The following GLIS3 variants were observed in gnomAD, a reference collection of about 807,000 sequenced individuals.
GLIS3 encodes the protein GLIS family zinc finger 3.
GLIS3 carries 53 observed loss-of-function variants against 78.6 expected under a neutral mutation model. That is an observed-to-expected ratio of 0.67 (90% CI 0.54 to 0.85). The LOEUF is 0.85. GLIS3 is among the 40% of genes least tolerant of loss of function. The pLI, the probability that GLIS3 is intolerant of heterozygous loss-of-function variation, is 0.00. For missense variants in GLIS3, 1,703 were observed against 1,231.1 expected, an observed-to-expected ratio of 1.38 and a Z score of -5.74; for synonymous variants, 684 against 509.9, an observed-to-expected ratio of 1.34 and a Z score of -4.60.
intron 2 of GLIS3, among the ~76,000 whole-genome samples, chr9:4,184,687 T>G (rs1351455765): frequency 6.6e-6 from 1 of 152,180 alleles, no homozygotes; most frequent in East Asian, 1.9e-4. Context: ...GAGGGGAGAT[T>G]TAGAGAGACT....
At chr9:4,454,726 T>C in the GLIS3 span, among the ~76,000 whole-genome samples, 1 of 152,226 alleles carries the variant, frequency 6.6e-6, no homozygotes, top group Non-Finnish European at 1.5e-5. Context: ...ATGGGTTTGA[T>C]GTGTTCCAGG....
At chr9:4,332,392 G>T (rs1296775126) in intron 2 of GLIS3, among the ~76,000 whole-genome samples, 2 of 152,198 alleles carry the variant, frequency 1.3e-5, no homozygotes, top group African/African-American at 4.8e-5. Flanking sequence ...GCACACGGCT[G>T]CTCAACTGGA....
At chr9:3,946,970 C>T (rs35163245) in intron 4 of GLIS3, among the ~76,000 whole-genome samples, 11,111 of 151,768 alleles carry the variant, frequency 0.073, 495 homozygotes, top group African/African-American at 0.11. Context: ...AAGCAGTTTC[C>T]CACGACGCCA....
At chr9:4,145,682 CTTCCCTCTCT>C (rs1389506797) in intron 2 of GLIS3, among the ~76,000 whole-genome samples, 5 of 151,954 alleles carry the variant, frequency 3.3e-5, no homozygotes, top group African/African-American at 1.2e-4. Context: ...ACATCTCAAA[CTTCCCTCTCT>C]TTCCTCTCCC....
At chr9:4,155,144 A>T (rs1054627226) in intron 2 of GLIS3, among the ~76,000 whole-genome samples, 63 of 152,230 alleles carry the variant, frequency 4.1e-4, no homozygotes, top group Non-Finnish European at 6.8e-4. Context: ...GTATTTAAAA[A>T]ATGTTCTGCA....
intron 4 of GLIS3, among the ~76,000 whole-genome samples, chr9:4,069,788 G>C (rs560888283): frequency 6.6e-6 from 1 of 152,020 alleles, no homozygotes; most frequent in Admixed American, 6.6e-5. Context: ...TTTTATGAAA[G>C]ATTTGGGAAT....
At chr9:4,276,541 C>T (rs1238247245) in intron 2 of GLIS3, among the ~76,000 whole-genome samples, 5 of 16,172 alleles carry the variant, frequency 3.1e-4, no homozygotes, top group Admixed American at 2.0e-3. Flanking sequence ...GAGAAGGGGA[C>T]GGAAGGGGAG....
At chr9:4,273,264 G>A (rs1190581253) in intron 2 of GLIS3, among the ~76,000 whole-genome samples, 3 of 152,130 alleles carry the variant, frequency 2.0e-5, no homozygotes, top group Non-Finnish European at 4.4e-5. Flanking sequence ...ATCAAGGAAT[G>A]ACAACACTTT....
chr9:4,321,283 G>A (rs566132407), intron 2 of GLIS3, among the ~76,000 whole-genome samples: 2 of 129,200 alleles, frequency 1.5e-5, no homozygotes, highest in African/African-American at 7.3e-5. Context: ...TTAGCCGGGA[G>A]TGGTGGCGGG....
chr9:4,233,597 T>A (rs1342189098), intron 2 of GLIS3, among the ~76,000 whole-genome samples: 1 of 152,190 alleles, frequency 6.6e-6, no homozygotes, highest in Non-Finnish European at 1.5e-5. Flanking sequence ...CATTTATAGA[T>A]CACAGGCAGA....
At chr9:3,941,745 G>A (rs78499377) in intron 4 of GLIS3, among the ~76,000 whole-genome samples, 1 of 152,226 alleles carries the variant, frequency 6.6e-6, no homozygotes. Flanking sequence ...CACTTTGAGA[G>A]AGAGTTCTTT....
chr9:4,267,908 C>T (rs975521903), intron 2 of GLIS3, among the ~76,000 whole-genome samples: 1 of 151,984 alleles, frequency 6.6e-6, no homozygotes, highest in Non-Finnish European at 1.5e-5. Flanking sequence ...TCCAGACATC[C>T]ATCCACGGAT....
intron 4 of GLIS3, among the ~76,000 whole-genome samples, chr9:4,080,886 C>T (rs1828504570): frequency 6.6e-6 from 1 of 152,200 alleles, no homozygotes; most frequent in Non-Finnish European, 1.5e-5. Context: ...GTACATCGTA[C>T]AACCTTCACA....
At chr9:4,260,781 C>T (rs1034597611) in intron 2 of GLIS3, among the ~76,000 whole-genome samples, 2 of 151,926 alleles carry the variant, frequency 1.3e-5, no homozygotes, top group African/African-American at 4.8e-5. Flanking sequence ...ACTGACTTGT[C>T]AAACACTTGC....
chr9:4,260,106 AC>A (rs1825369449), intron 2 of GLIS3, among the ~76,000 whole-genome samples: 1 of 152,140 alleles, frequency 6.6e-6, no homozygotes, highest in Admixed American at 6.5e-5. Context: ...AAATCCCCAT[AC>A]CCTTCAGCTG....
chr9:4,028,212 T>C (rs776377660), intron 4 of GLIS3, among the ~76,000 whole-genome samples: 3 of 152,226 alleles, frequency 2.0e-5, no homozygotes, highest in Non-Finnish European at 4.4e-5. Context: ...TCTTAAATTT[T>C]CTGGGCCTCA....
chr9:3,937,213 G>T, intron 4 of GLIS3, 24 bp from the exon 5 acceptor site: 1 of 1,613,744 alleles, frequency 6.2e-7, no homozygotes, highest in South Asian at 1.1e-5. Context: ...ACAATTTTTG[G>T]TGGTTGAGAA....
chr9:4,191,153 A>C (rs1360006653), intron 2 of GLIS3, among the ~76,000 whole-genome samples: 1 of 150,428 alleles, frequency 6.6e-6, no homozygotes, highest in Non-Finnish European at 1.5e-5. Context: ...AGCTAACATC[A>C]TAATGACAGG....
intron 6 of GLIS3, among the ~76,000 whole-genome samples, chr9:3,921,873 C>T (rs539732181): frequency 2.0e-5 from 3 of 151,114 alleles, no homozygotes; most frequent in Non-Finnish European, 4.4e-5. Flanking sequence ...TACCAGCAAT[C>T]TAAGAACTGT....
Sources: gnomAD v4.1 joint callset for allele counts (sites outside exome capture counted in the v4.1 genomes callset) on GRCh38, gnomAD v4.1.1 for gene constraint, MANE v1.5 for transcripts, NCBI Gene and HGNC (gene_info 2026-07-23, HGNC 2026-07-21) for gene names.